Variants in RUNX1 observed in about 807,000 individuals in gnomAD.
The protein encoded by RUNX1 is RUNX family transcription factor 1.
Under a neutral mutation model 42.8 loss-of-function variants are expected in RUNX1, and 19 were observed. The ratio of observed to expected loss-of-function variants is 0.44; its 90% CI spans 0.31 to 0.65. The LOEUF (loss-of-function observed/expected upper bound fraction) is 0.65, where lower values mean the gene tolerates loss of function less well. Ranked by LOEUF, RUNX1 falls within the 30% of genes least tolerant of loss-of-function variation. The probability of loss-of-function intolerance (pLI) is 0.07; values close to 1 mark genes in which losing one functional copy is unlikely to be tolerated. For synonymous variants in RUNX1, 271 were observed against 289.4 expected (o/e 0.94, Z 0.64); for missense variants, 528 against 672.0 (o/e 0.79, Z 2.37).
chr21:34,867,449 A>G (rs988106468), intron 5 of RUNX1, among the ~76,000 whole-genome samples: 11 of 152,128 alleles, frequency 7.2e-5, no homozygotes, highest in Middle Eastern at 6.8e-3. Context: ...CTAAAAATCA[A>G]TGAATCACTC....
chr21:34,839,802 T>C lies in RUNX1; in HGVS notation c.614-5201A>G, dbSNP rs75875439. On this transcript the variant is annotated intron_variant, in intron 6 of 8. Coordinates refer to ENST00000675419, the MANE Select transcript of RUNX1 (RefSeq NM_001754.5). ...ATATCTGCATGAGAGGGAGAGCTCCTCCTGATACTCAAGCTTCCAATGTGC... is the reference window on the plus strand; with the variant it reads ...ATATCTGCATGAGAGGGAGAGCTCCCCCTGATACTCAAGCTTCCAATGTGC... Among the ~76,000 whole-genome samples the C allele has an allele frequency of 5.5e-3, 842 of 152,270 alleles. 5 individuals carry two copies. The highest frequency in any genetic ancestry group is 0.019 in the African/African-American group (808 of 41,540).
chr21:35,026,678 G>C (rs1347953514), intron 2 of RUNX1, among the ~76,000 whole-genome samples: 1 of 152,222 alleles, frequency 6.6e-6, no homozygotes, highest in East Asian at 1.9e-4. Context: ...CATCCGCCCG[G>C]GGACTTGTTG....
chr21:34,978,458 T>C (rs904951504), intron 2 of RUNX1, among the ~76,000 whole-genome samples: 3 of 152,202 alleles, frequency 2.0e-5, no homozygotes, highest in Non-Finnish European at 4.4e-5. Flanking sequence ...ACAAAAAGCA[T>C]AATTTTGATG....
At chr21:34,885,524 G>A (rs1348280319) in intron 4 of RUNX1, among the ~76,000 whole-genome samples, 4 of 152,186 alleles carry the variant, frequency 2.6e-5, no homozygotes, top group African/African-American at 9.7e-5. Context: ...AGAAAAGTGA[G>A]TGGAAAAAGA....
chr21:34,976,246 A>G (rs1601627123), intron 2 of RUNX1, among the ~76,000 whole-genome samples: 1 of 152,176 alleles, frequency 6.6e-6, no homozygotes, highest in Non-Finnish European at 1.5e-5. Context: ...TGAAGTTAGT[A>G]TTTATTAGCA....
At chr21:34,880,843 GCA>G in intron 4 of RUNX1, 130 bp from the exon 5 acceptor site, 1 of 934,664 alleles carries the variant, frequency 1.1e-6, no homozygotes, top group East Asian at 2.6e-5. Flanking sequence ...CAGAGGAATA[GCA>G]ATGATAACTT....
intron 3 of RUNX1, chr21:34,888,583 C>G: frequency 2.8e-6 from 3 of 1,061,194 alleles, no homozygotes; most frequent in Non-Finnish European, 3.4e-6. Flanking sequence ...TCTGGCGTCC[C>G]TAGGAGCCCC....
intron 2 of RUNX1, among the ~76,000 whole-genome samples, chr21:34,928,723 G>T (rs10483023): frequency 0.094 from 14,284 of 151,440 alleles, 1,034 homozygotes; most frequent in African/African-American, 0.2. Context: ...GGCTGATTTA[G>T]ATTTTTTGGC....
At chr21:35,022,951 CT>C (rs925552132) in intron 2 of RUNX1, among the ~76,000 whole-genome samples, 212 of 140,318 alleles carry the variant, frequency 1.5e-3, no homozygotes, top group Middle Eastern at 3.7e-3. Context: ...TGATTTTGAC[CT>C]TTTTTTTTTT....
At chr21:34,796,818 A>C (rs575583116) in intron 8 of RUNX1, among the ~76,000 whole-genome samples, 1 of 152,214 alleles carries the variant, frequency 6.6e-6, no homozygotes. Flanking sequence ...AGAAAAAAAA[A>C]AGTAAACCTC....
At chr21:34,888,993 G>A (rs534596977) in intron 3 of RUNX1, among the ~76,000 whole-genome samples, 1 of 151,482 alleles carries the variant, frequency 6.6e-6, no homozygotes, top group East Asian at 2.0e-4. Flanking sequence ...CCACACGCAG[G>A]CTTGTGCGGC....
At chr21:34,948,741 TC>T (rs201518130) in intron 2 of RUNX1, among the ~76,000 whole-genome samples, 6 of 151,766 alleles carry the variant, frequency 4.0e-5, no homozygotes, top group African/African-American at 1.5e-4. Flanking sequence ...AGAATTTCTT[TC>T]TTTTTTTTCC....
At chr21:35,034,758 GTGA>G (rs2059295626) in intron 2 of RUNX1, among the ~76,000 whole-genome samples, 1 of 152,198 alleles carries the variant, frequency 6.6e-6, no homozygotes, top group Non-Finnish European at 1.5e-5. Context: ...CCTGTCTGGT[GTGA>G]GCAGAGGGCA....
chr21:34,861,294 G>C (rs1266924020), intron 5 of RUNX1, among the ~76,000 whole-genome samples: 1 of 152,160 alleles, frequency 6.6e-6, no homozygotes, highest in Non-Finnish European at 1.5e-5. Flanking sequence ...AGCAGGGTAT[G>C]TGATGTGATG....
chr21:34,932,606 T>C (rs1182611102), intron 2 of RUNX1, among the ~76,000 whole-genome samples: 1 of 152,254 alleles, frequency 6.6e-6, no homozygotes, highest in Non-Finnish European at 1.5e-5. Context: ...CAATGTATCA[T>C]TGAATCTTTA....
chr21:34,956,819 C>T (rs1434416110), intron 2 of RUNX1, among the ~76,000 whole-genome samples: 1 of 152,184 alleles, frequency 6.6e-6, no homozygotes, highest in Admixed American at 6.5e-5. Context: ...ATATGCAGGG[C>T]ATACCACTAC....
At chr21:34,956,215 C>T (rs578245668) in intron 2 of RUNX1, among the ~76,000 whole-genome samples, 4 of 152,088 alleles carry the variant, frequency 2.6e-5, no homozygotes, top group Non-Finnish European at 5.9e-5. Context: ...AGGCAGACAG[C>T]GTCATGCCCA....
intron 3 of RUNX1, chr21:34,889,672 C>G (rs2058054117): frequency 1.7e-6 from 2 of 1,150,516 alleles, no homozygotes; most frequent in South Asian, 2.0e-5. Flanking sequence ...AGGTGCGGAA[C>G]CCACCCCGGC....
At chr21:34,970,900 G>C (rs1171065103) in intron 2 of RUNX1, among the ~76,000 whole-genome samples, 1 of 152,058 alleles carries the variant, frequency 6.6e-6, no homozygotes, top group Non-Finnish European at 1.5e-5. Context: ...GAAAAAAAAA[G>C]GTCTCCAGAG....
Sources: gnomAD v4.1 joint callset for allele counts (sites outside exome capture counted in the v4.1 genomes callset) on GRCh38, gnomAD v4.1.1 for gene constraint, MANE v1.5 for transcripts, NCBI Gene and HGNC (gene_info 2026-07-23, HGNC 2026-07-21) for gene names.